GALNT18: variants seen among roughly 807,000 people sequenced by gnomAD.
GALNT18 encodes GalNAc-transferase 18.
A neutral mutation model predicts 69.5 loss-of-function variants in GALNT18; 44 were observed. The ratio of observed to expected loss-of-function variants is 0.63; its 90% CI spans 0.50 to 0.81. GALNT18 has a LOEUF of 0.81. Among genes scored for constraint, GALNT18 ranks in the 40% least tolerant of loss-of-function variants. The pLI is 0.00. For missense variants in GALNT18, 715 were observed against 810.0 expected, an observed-to-expected ratio of 0.88 and a Z score of 1.42; for synonymous variants, 364 against 318.2, an observed-to-expected ratio of 1.14 and a Z score of -1.53.
chr11:11,557,883 AC>A (rs1243057095), intron 1 of GALNT18, among the ~76,000 whole-genome samples: 2 of 152,226 alleles, frequency 1.3e-5, no homozygotes, highest in Non-Finnish European at 2.9e-5. Context: ...CACTGAGTTG[AC>A]ATTTCCCCAG....
intron 1 of GALNT18, among the ~76,000 whole-genome samples, chr11:11,533,442 C>T (rs1362315334): frequency 6.6e-6 from 1 of 152,174 alleles, no homozygotes; most frequent in Admixed American, 6.5e-5. Context: ...AAGCCTGTTC[C>T]AATGCCACAG....
At chr11:11,570,123 A>C (rs556466254) in intron 1 of GALNT18, 1 of 152,408 alleles carries the variant, frequency 6.6e-6, no homozygotes, top group South Asian at 2.1e-4. Flanking sequence ...AGAGAACTCC[A>C]TCTCAGGAAC....
rs1850536453 is a variant in GALNT18, at chr11:11,356,740, T to G, written c.1093-15736A>C. On this transcript the variant is annotated intron_variant, in intron 6 of 10. Transcript: ENST00000227756. The surrounding 1 kb of genome is among the most constrained non-coding windows in gnomAD (Gnocchi z 4.4). ...ATACAGCTCCCTCATTGAATGCAAT[T>G]GAAAAAACCAAAGTGTGAAGACCAT... Among the ~76,000 whole-genome samples, 1 of 152,188 alleles carries G rather than the reference T, an allele frequency of 6.6e-6. No individual in the cohort carries two copies. Among genetic ancestry groups the G allele is most frequent in the African/African-American group, 2.4e-5 (1 of 41,454 alleles).
chr11:11,546,492 C>T lies in GALNT18; in HGVS notation c.235+74867G>A, dbSNP rs536211529. Among the ~76,000 whole-genome samples the T allele has an allele frequency of 4.3e-4, 66 of 152,308 alleles. No individual in the cohort carries two copies. The highest frequency in any genetic ancestry group is 7.8e-4 in the Non-Finnish European group (53 of 68,024). Reference sequence around the variant, plus strand: ...CTTATCATCTCAGAACCTACAATCCCGTCTCTATAGTCCTCTACAAATCAA... The same window carrying T: ...CTTATCATCTCAGAACCTACAATCCTGTCTCTATAGTCCTCTACAAATCAA... On this transcript the variant is annotated intron_variant, in intron 1 of 10. Transcript: ENST00000227756. This position sits in a 1 kb window ranked among gnomAD's most constrained non-coding sequence, Gnocchi z 5.8.
chr11:11,480,514 T>C lies in GALNT18; in HGVS notation c.236-31578A>G, dbSNP rs1211120720. 6.7e-6 allele frequency among the ~76,000 whole-genome samples: 1 copy of C among 150,194 alleles called. No individual in the cohort carries two copies. The highest frequency in any genetic ancestry group is 1.5e-5 in the Non-Finnish European group (1 of 67,722). ...GAGCTGCAGTGGTCCATGAAGCACG[T>C]TGTGAACGTATCAGACACTCTGCTT... On this transcript the variant is annotated intron_variant, in intron 1 of 10. Transcript: ENST00000227756. This position sits in a 1 kb window ranked among gnomAD's most constrained non-coding sequence, Gnocchi z 4.6.
rs369184740 is a variant in GALNT18 at position 11,309,051 on chromosome 11, G to C, written c.1513-15858C>G. Among the ~76,000 whole-genome samples, 88 of 152,316 alleles carry C rather than the reference G, an allele frequency of 5.8e-4. No individual in the cohort carries two copies. Among genetic ancestry groups the C allele is most frequent in the African/African-American group, 2.1e-3 (88 of 41,564 alleles). ...ACTTGATCCTTAATGTGGTGGTGCT[G>C]GGAGGTAGGGCCTAATGGAAGGTGT... On this transcript the variant is annotated intron_variant, in intron 9 of 10. Transcript: ENST00000227756. This position sits in a 1 kb window ranked among gnomAD's most constrained non-coding sequence, Gnocchi z 4.6.
At position 11,413,983 on chromosome 11, in the gene GALNT18, C is replaced by T. The variant is rs1300689373; in HGVS notation, c.595+18638G>A. On this transcript the variant is annotated intron_variant, in intron 3 of 10. Transcript: ENST00000227756. The surrounding 1 kb of genome is among the most constrained non-coding windows in gnomAD (Gnocchi z 4.7). ...TGTTCTTCCTCTAATTCTGTCTGGC[C>T]CATCTTGCAAACTGCACTGTCCTTC... 6.6e-6 allele frequency among the ~76,000 whole-genome samples: 1 copy of T among 152,190 alleles called. No homozygotes were observed. Among genetic ancestry groups the T allele is most frequent in the Non-Finnish European group, 1.5e-5 (1 of 68,034 alleles).
At chr11:11,334,416 G>A (rs1292600456) in intron 7 of GALNT18, among the ~76,000 whole-genome samples, 14 of 151,908 alleles carry the variant, frequency 9.2e-5, no homozygotes, top group East Asian at 3.9e-4. Context: ...GGTGGCGGGC[G>A]CCTGTAGTCC....
Position 11,340,968 on chromosome 11 carries a change from AG to A in GALNT18, c.1128del (p.Cys377AlafsTer85), listed in dbSNP as rs1564901344. ...CGCTCAATGTGGGCAATCCGTGAGCAGGGCAGGACCTCCACACTCCCGCCAC... is the reference window on the plus strand; with the variant it reads ...CGCTCAATGTGGGCAATCCGTGAGCAGGCAGGACCTCCACACTCCCGCCAC... ...WQCGGSVEVLPCSRIAHIERA... is the reference protein window; with the variant it reads ...WQCGGSVEVLXCSRIAHIERA... On this transcript the variant is annotated frameshift_variant, in exon 7 of 11. Transcript: ENST00000227756. LOFTEE classifies it high-confidence loss of function. This position sits in a 1 kb window ranked among gnomAD's most constrained non-coding sequence, Gnocchi z 4.2. 1.9e-6 allele frequency: 3 copies of A among 1,612,308 alleles called. No individual in the cohort carries two copies. The highest frequency in any genetic ancestry group is 2.5e-6 in the Non-Finnish European group (3 of 1,178,942).
chr11:11,285,577 G>T (rs1187361721), intron 10 of GALNT18, among the ~76,000 whole-genome samples: 1 of 152,134 alleles, frequency 6.6e-6, no homozygotes, highest in African/African-American at 2.4e-5. Flanking sequence ...CACATCCAAG[G>T]CCTAAACGAA....
At chr11:11,373,250 C>A (rs1468511208) in intron 5 of GALNT18, among the ~76,000 whole-genome samples, 1 of 152,002 alleles carries the variant, frequency 6.6e-6, no homozygotes, top group African/African-American at 2.4e-5. Flanking sequence ...AGGGGCCCAG[C>A]TGGGAAGCTC....
Position 11,591,111 on chromosome 11 carries a change from G to A in GALNT18, c.235+30248C>T, listed in dbSNP as rs1204435943. ...TTGCCCAATGGGACAAGATGTGGAG[G>A]TGGAAGACAGTGACATTGATGATGC... On this transcript the variant is annotated intron_variant, in intron 1 of 10. Coordinates refer to ENST00000227756, the MANE Select transcript of GALNT18 (RefSeq NM_198516.3). This position sits in a 1 kb window ranked among gnomAD's most constrained non-coding sequence, Gnocchi z 4.8. Among the ~76,000 whole-genome samples the A allele has an allele frequency of 6.6e-6, 1 of 151,976 alleles. No homozygotes were observed.
intron 6 of GALNT18, among the ~76,000 whole-genome samples, chr11:11,342,132 T>C (rs142859517): frequency 1.3e-5 from 2 of 152,276 alleles, no homozygotes; most frequent in East Asian, 3.9e-4. Flanking sequence ...CGTGTATTCC[T>C]GGAGGGCAAA....
chr11:11,568,259 T>G (rs575046193), intron 1 of GALNT18, among the ~76,000 whole-genome samples: 1 of 152,330 alleles, frequency 6.6e-6, no homozygotes, highest in African/African-American at 2.4e-5. Context: ...TTGTTTGTTA[T>G]GCAGCCAGAC....
rs188980902 is a variant in GALNT18, at chr11:11,500,067, A to T, written c.236-51131T>A. 9.3e-4 allele frequency among the ~76,000 whole-genome samples: 141 copies of T among 152,320 alleles called. No individual in the cohort carries two copies. The highest frequency in any genetic ancestry group is 3.0e-3 in the African/African-American group (126 of 41,574). On this transcript the variant is annotated intron_variant, in intron 1 of 10. Coordinates refer to ENST00000227756, the MANE Select transcript of GALNT18 (RefSeq NM_198516.3). This position sits in a 1 kb window ranked among gnomAD's most constrained non-coding sequence, Gnocchi z 5.0. ...GGGAGCAAAATCAAAAAGAGAGGCC[A>T]AGCATTGTTGAAACATGGCATCTTC...
Position 11,444,955 on chromosome 11 carries a change from A to C in GALNT18, c.428+3789T>G, listed in dbSNP as rs1855615121. 6.6e-6 allele frequency among the ~76,000 whole-genome samples: 1 copy of C among 152,326 alleles called. No homozygotes were observed. Among genetic ancestry groups the C allele is most frequent in the South Asian group, 2.1e-4 (1 of 4,826 alleles). ...GGGCTTCCTCTCCACATGCTGACCC[A>C]CATCCTCTCAGTCCAAATCCCAACA... On this transcript the variant is annotated intron_variant, in intron 2 of 10. Transcript: ENST00000227756. The surrounding 1 kb of genome is among the most constrained non-coding windows in gnomAD (Gnocchi z 4.4).
intron 1 of GALNT18, among the ~76,000 whole-genome samples, chr11:11,594,545 C>T (rs77379456): frequency 0.054 from 8,147 of 152,186 alleles, 334 homozygotes; most frequent in Admixed American, 0.15. Flanking sequence ...CTTCTCTGTT[C>T]ATACAAATCA....
chr11:11,422,622 T>C (rs115841370), intron 3 of GALNT18, among the ~76,000 whole-genome samples: 1,707 of 136,760 alleles, frequency 0.012, 40 homozygotes, highest in African/African-American at 0.05. Context: ...TTTTTTGTTG[T>C]TTTTTTTTTT....
intron 10 of GALNT18, among the ~76,000 whole-genome samples, chr11:11,291,395 T>C (rs1007589547): frequency 6.6e-6 from 1 of 152,214 alleles, no homozygotes; most frequent in Non-Finnish European, 1.5e-5. Context: ...TGTGACTCAG[T>C]TTCCTCATCT....
Sources: gnomAD v4.1 joint callset for allele counts (sites outside exome capture counted in the v4.1 genomes callset) on GRCh38, gnomAD v4.1.1 for gene constraint, Gnocchi (gnomAD v3.1) non-coding constraint, MANE v1.5 for transcripts, NCBI Gene and HGNC (gene_info 2026-07-23, HGNC 2026-07-21) for gene names.